The following PRKAG2 variants were observed in gnomAD, a reference collection of about 807,000 sequenced individuals.
PRKAG2 encodes protein kinase AMP-activated non-catalytic subunit gamma 2, also known as 5'-AMP-activated protein kinase subunit gamma-2.
In PRKAG2, 26 loss-of-function variants were observed where a neutral mutation model predicts 69.6. The observed-to-expected ratio is 0.37, with a 90% CI of 0.27 to 0.52. The LOEUF is 0.52. Among genes scored for constraint, PRKAG2 ranks in the 20% least tolerant of loss-of-function variants. The pLI, the probability that PRKAG2 is intolerant of heterozygous loss-of-function variation, is 0.90. For missense variants in PRKAG2, 557 were observed against 740.0 expected, an observed-to-expected ratio of 0.75 and a Z score of 2.87; for synonymous variants, 293 against 285.0, an observed-to-expected ratio of 1.03 and a Z score of -0.28.
chr7:151,662,632 G>A (rs1156404349), intron 4 of PRKAG2, among the ~76,000 whole-genome samples: 1 of 152,208 alleles, frequency 6.6e-6, no homozygotes, highest in Non-Finnish European at 1.5e-5. Context: ...CAAGTCTGTT[G>A]CTGGGCGTGG....
chr7:151,602,081 C>G (rs879489895), intron 5 of PRKAG2, among the ~76,000 whole-genome samples: 1 of 152,244 alleles, frequency 6.6e-6, no homozygotes, highest in South Asian at 2.1e-4. Flanking sequence ...GAGATCTGGT[C>G]CGTGTCCGCC....
chr7:151,602,234 T>G (rs966623215), intron 5 of PRKAG2, among the ~76,000 whole-genome samples: 1 of 152,230 alleles, frequency 6.6e-6, no homozygotes, highest in African/African-American at 2.4e-5. Context: ...ACAAATTGCC[T>G]GCCAAATCTA....
intron 3 of PRKAG2, among the ~76,000 whole-genome samples, chr7:151,734,054 G>A (rs528410120): frequency 2.0e-5 from 3 of 151,952 alleles, no homozygotes; most frequent in South Asian, 4.2e-4. Context: ...AACTCTACTC[G>A]ATTAGACGCC....
chr7:151,765,480 A>G (rs2075687173), intron 3 of PRKAG2, among the ~76,000 whole-genome samples: 1 of 152,124 alleles, frequency 6.6e-6, no homozygotes, highest in Admixed American at 6.5e-5. Flanking sequence ...AAACCATATC[A>G]CCATCTGAAA....
At chr7:151,684,017 T>C (rs1288382001) in intron 3 of PRKAG2, among the ~76,000 whole-genome samples, 1 of 152,178 alleles carries the variant, frequency 6.6e-6, no homozygotes, top group Non-Finnish European at 1.5e-5. Context: ...CCCGCAGGTT[T>C]TACCTTCCAC....
intron 3 of PRKAG2, among the ~76,000 whole-genome samples, chr7:151,695,066 G>A (rs2151543960): frequency 6.6e-6 from 1 of 152,312 alleles, no homozygotes; most frequent in South Asian, 2.1e-4. Flanking sequence ...AGTTTCCGAT[G>A]TGCTGTTGGA....
intron 4 of PRKAG2, among the ~76,000 whole-genome samples, chr7:151,654,997 T>A (rs1321059882): frequency 6.6e-6 from 1 of 152,222 alleles, no homozygotes; most frequent in African/African-American, 2.4e-5. Context: ...CCGGCTGGGA[T>A]ACGTTGTTGT....
chr7:151,799,739 C>T (rs1016078733), intron 1 of PRKAG2, among the ~76,000 whole-genome samples: 7 of 152,308 alleles, frequency 4.6e-5, no homozygotes, highest in Non-Finnish European at 8.8e-5. Context: ...AGCAGCGATG[C>T]ATAAAGACCA....
At chr7:151,823,836 C>A (rs1467250523) in intron 1 of PRKAG2, among the ~76,000 whole-genome samples, 1 of 152,114 alleles carries the variant, frequency 6.6e-6, no homozygotes, top group Non-Finnish European at 1.5e-5. Context: ...AAAATTAGAA[C>A]CTCTGGGGAG....
chr7:151,636,555 G>A (rs1825767542), intron 4 of PRKAG2, among the ~76,000 whole-genome samples: 2 of 152,094 alleles, frequency 1.3e-5, no homozygotes, highest in Non-Finnish European at 2.9e-5. Flanking sequence ...GTCAGCTGAT[G>A]GGCACTCAGG....
chr7:151,739,961 C>T (rs2073757658), intron 3 of PRKAG2, among the ~76,000 whole-genome samples: 2 of 152,176 alleles, frequency 1.3e-5, no homozygotes, highest in Admixed American at 6.5e-5. Flanking sequence ...AAGATTTTAG[C>T]TCTTCTATTC....
rs1169305483 is a variant in PRKAG2 at position 151,780,073 on chromosome 7, T to C, written c.466+1079A>G. Among the ~76,000 whole-genome samples, 1 of 152,192 alleles carries C rather than the reference T, an allele frequency of 6.6e-6. No individual in the cohort carries two copies. The highest frequency in any genetic ancestry group is 1.5e-5 in the Non-Finnish European group (1 of 68,038). On this transcript the variant is annotated intron_variant, in intron 3 of 15. Transcript: ENST00000287878. This position sits in a 1 kb window ranked among gnomAD's most constrained non-coding sequence, Gnocchi z 4.2. ...CAGGCGGGAGCACCTTCATTTGTTTTATGTAGAAAGACGAAGTGCAAAATC... is the reference window on the plus strand; with the variant it reads ...CAGGCGGGAGCACCTTCATTTGTTTCATGTAGAAAGACGAAGTGCAAAATC...
intron 6 of PRKAG2, among the ~76,000 whole-genome samples, chr7:151,584,805 G>A (rs1449364287): frequency 6.6e-6 from 1 of 152,246 alleles, no homozygotes; most frequent in African/African-American, 2.4e-5. Context: ...GCTGTGGCAG[G>A]AGGATCGCTT....
chr7:151,865,749 G>T (rs1306847331), intron 1 of PRKAG2, among the ~76,000 whole-genome samples: 1 of 152,214 alleles, frequency 6.6e-6, no homozygotes, highest in African/African-American at 2.4e-5. Flanking sequence ...GCCGGGCGCA[G>T]TGGCTCACGC....
chr7:151,698,641 C>T (rs1837123487), intron 3 of PRKAG2, among the ~76,000 whole-genome samples: 1 of 152,118 alleles, frequency 6.6e-6, no homozygotes, highest in Admixed American at 6.5e-5. Flanking sequence ...CTTCCTGAGG[C>T]CTCGCCAGGA....
rs2079544813 is a variant in PRKAG2, at chr7:151,850,582, T to C, written c.114+25925A>G. ...TCAGCCAAGGAGCCCCGAGCCTGGATTGGAACCCAGATGGACCAATTCCAA... is the reference window on the plus strand; with the variant it reads ...TCAGCCAAGGAGCCCCGAGCCTGGACTGGAACCCAGATGGACCAATTCCAA... On this transcript the variant is annotated intron_variant, in intron 1 of 15. Transcript: ENST00000287878. The surrounding 1 kb of genome is among the most constrained non-coding windows in gnomAD (Gnocchi z 4.1). Among the ~76,000 whole-genome samples, 3 of 152,202 alleles carry C rather than the reference T, an allele frequency of 2.0e-5. No individual in the cohort carries two copies. The South Asian group carries it at 6.2e-4, about 32-fold the overall frequency.
At chr7:151,750,927 T>C (rs2074628786) in intron 3 of PRKAG2, among the ~76,000 whole-genome samples, 1 of 151,492 alleles carries the variant, frequency 6.6e-6, no homozygotes, top group Admixed American at 6.6e-5. Flanking sequence ...ATTATATGCA[T>C]TTTACCACAA....
At chr7:151,704,921 G>T (rs879135932) in intron 3 of PRKAG2, among the ~76,000 whole-genome samples, 2 of 152,138 alleles carry the variant, frequency 1.3e-5, no homozygotes, top group East Asian at 3.9e-4. Flanking sequence ...GACAGACCAC[G>T]TCCCCAAAAT....
intron 5 of PRKAG2, among the ~76,000 whole-genome samples, chr7:151,616,761 G>C (rs1253691628): frequency 6.6e-6 from 1 of 152,246 alleles, no homozygotes; most frequent in Non-Finnish European, 1.5e-5. Flanking sequence ...GAAAGAAGAA[G>C]TGTTTGAGAG....
Sources: allele counts gnomAD v4.1 joint callset (sites outside exome capture counted in the v4.1 genomes callset), GRCh38; gene constraint gnomAD v4.1.1; non-coding constraint Gnocchi (gnomAD v3.1); transcripts MANE v1.5; gene names NCBI Gene and HGNC (gene_info 2026-07-23, HGNC 2026-07-21).